IGF2BP2: variants seen among roughly 807,000 people sequenced by gnomAD.
IGF2BP2 encodes the protein insulin-like growth factor 2 mRNA-binding protein 2.
A neutral mutation model predicts 75.8 loss-of-function variants in IGF2BP2; 17 were observed. The ratio of observed to expected loss-of-function variants is 0.22; its 90% CI spans 0.15 to 0.34. The LOEUF (loss-of-function observed/expected upper bound fraction) is 0.34. IGF2BP2 is among the 10% of genes least tolerant of loss of function. The pLI is 1.00. For missense variants in IGF2BP2, 516 were observed against 772.4 expected (o/e 0.67, Z 3.93); for synonymous variants, 288 against 295.6 (o/e 0.97, Z 0.26).
intron 2 of IGF2BP2, among the ~76,000 whole-genome samples, chr3:185,771,237 C>T (rs938842707): frequency 6.6e-6 from 1 of 151,958 alleles, no homozygotes; most frequent in Non-Finnish European, 1.5e-5. Flanking sequence ...GCCAGGAGTT[C>T]GAGACCAGCC....
chr3:185,801,284 G>A (rs541253755), intron 2 of IGF2BP2, among the ~76,000 whole-genome samples: 1 of 152,250 alleles, frequency 6.6e-6, no homozygotes, highest in African/African-American at 2.4e-5. Flanking sequence ...GAGGTCAGGA[G>A]TTCAAGACCA....
At chr3:185,666,045 GATA>G (rs1237648633) in intron 10 of IGF2BP2, among the ~76,000 whole-genome samples, 3 of 151,150 alleles carry the variant, frequency 2.0e-5, no homozygotes, top group Admixed American at 1.3e-4. Flanking sequence ...TAGATAGATA[GATA>G]GATAGATAGA....
At chr3:185,804,479 A>G (rs773027347) in intron 2 of IGF2BP2, among the ~76,000 whole-genome samples, 2 of 152,104 alleles carry the variant, frequency 1.3e-5, no homozygotes, top group Non-Finnish European at 1.5e-5. Flanking sequence ...GTATTGATAT[A>G]TAACTGATAA....
At chr3:185,781,960 A>G (rs1402835282) in intron 2 of IGF2BP2, among the ~76,000 whole-genome samples, 2 of 152,278 alleles carry the variant, frequency 1.3e-5, no homozygotes, top group African/African-American at 4.8e-5. Flanking sequence ...GCTACTTGAA[A>G]TATTTTTTTT....
At chr3:185,677,701 C>T (rs150778330) in intron 7 of IGF2BP2, among the ~76,000 whole-genome samples, 12 of 152,234 alleles carry the variant, frequency 7.9e-5, no homozygotes, top group Non-Finnish European at 1.5e-4. Flanking sequence ...AGAACACAGA[C>T]AGACAACTAA....
chr3:185,797,663 G>T (rs1025465986), intron 2 of IGF2BP2, among the ~76,000 whole-genome samples: 3 of 152,106 alleles, frequency 2.0e-5, no homozygotes, highest in Non-Finnish European at 4.4e-5. Context: ...CAGCACTGTG[G>T]GAGGCCAATG....
At chr3:185,752,125 C>T (rs990910906) in intron 2 of IGF2BP2, among the ~76,000 whole-genome samples, 14 of 152,148 alleles carry the variant, frequency 9.2e-5, no homozygotes, top group Admixed American at 1.3e-4. Context: ...ATTTTAGTGG[C>T]TACAAAGGGT....
intron 2 of IGF2BP2, among the ~76,000 whole-genome samples, chr3:185,814,846 C>T (rs1740392332): frequency 6.6e-6 from 1 of 152,112 alleles, no homozygotes; most frequent in Non-Finnish European, 1.5e-5. Context: ...CTTTCACTGA[C>T]TTTTTCACGT....
intron 2 of IGF2BP2, among the ~76,000 whole-genome samples, chr3:185,739,415 C>G (rs1729247537): frequency 6.6e-6 from 1 of 152,182 alleles, no homozygotes; most frequent in Non-Finnish European, 1.5e-5. Context: ...TAAACTAAGT[C>G]CTTCAAATTG....
chr3:185,765,623 T>C (rs1206372179), intron 2 of IGF2BP2, among the ~76,000 whole-genome samples: 1 of 152,216 alleles, frequency 6.6e-6, no homozygotes, highest in East Asian at 1.9e-4. Flanking sequence ...CATCTATTAA[T>C]ACATGAAAGG....
intron 4 of IGF2BP2, among the ~76,000 whole-genome samples, chr3:185,695,607 C>T (rs73175561): frequency 6.6e-6 from 1 of 152,122 alleles, no homozygotes; most frequent in Non-Finnish European, 1.5e-5. Flanking sequence ...TTCTGGGACT[C>T]TTAAAGAGCT....
At chr3:185,820,894 ATTGAC>A in intron 2 of IGF2BP2, 1 of 917,282 alleles carries the variant, frequency 1.1e-6, no homozygotes, top group East Asian at 2.8e-5. Context: ...CACATATAGA[ATTGAC>A]TTAACACTGC....
chr3:185,707,195 A>G (rs1343025251), intron 2 of IGF2BP2, among the ~76,000 whole-genome samples: 1 of 2,628 alleles, frequency 3.8e-4, no homozygotes, highest in Non-Finnish European at 2.6e-3. Context: ...ACTGCACTCC[A>G]GCCTGGCAAC....
At chr3:185,799,523 C>T (rs1331133856) in intron 2 of IGF2BP2, among the ~76,000 whole-genome samples, 3 of 151,996 alleles carry the variant, frequency 2.0e-5, no homozygotes, top group Non-Finnish European at 2.9e-5. Flanking sequence ...CCGAGGCGGG[C>T]GGATCACGAG....
At chr3:185,646,391 G>A (rs1713554565) in intron 15 of IGF2BP2, among the ~76,000 whole-genome samples, 1 of 152,196 alleles carries the variant, frequency 6.6e-6, no homozygotes, top group African/African-American at 2.4e-5. Flanking sequence ...AACCTTCAGT[G>A]TCTGCTTACA....
intron 7 of IGF2BP2, among the ~76,000 whole-genome samples, chr3:185,684,845 A>T (rs1157063297): frequency 6.9e-6 from 1 of 144,958 alleles, no homozygotes; most frequent in Non-Finnish European, 1.5e-5. Flanking sequence ...GTGGGGAAGG[A>T]AAAAAAAAAA....
At chr3:185,818,060 T>C (rs978154538) in intron 2 of IGF2BP2, among the ~76,000 whole-genome samples, 3 of 152,208 alleles carry the variant, frequency 2.0e-5, no homozygotes, top group Non-Finnish European at 4.4e-5. Flanking sequence ...AATGTATAAT[T>C]CAACATTTTT....
At chr3:185,747,914 G>A (rs955807991) in intron 2 of IGF2BP2, among the ~76,000 whole-genome samples, 14 of 151,796 alleles carry the variant, frequency 9.2e-5, no homozygotes, top group Non-Finnish European at 1.0e-4. Context: ...GGAGTGCAGT[G>A]GTGCAATCTC....
At chr3:185,811,010 G>A (rs1039052576) in intron 2 of IGF2BP2, among the ~76,000 whole-genome samples, 15 of 151,852 alleles carry the variant, frequency 9.9e-5, no homozygotes, top group Non-Finnish European at 4.4e-5. Context: ...TCATAAACAT[G>A]TATTATGAAA....
Sources: gnomAD v4.1 joint callset for allele counts (sites outside exome capture counted in the v4.1 genomes callset) on GRCh38, gnomAD v4.1.1 for gene constraint, MANE v1.5 for transcripts, NCBI Gene and HGNC (gene_info 2026-07-23, HGNC 2026-07-21) for gene names.